The following CHODL variants were observed in gnomAD, a reference collection of about 807,000 sequenced individuals.
CHODL encodes the protein transmembrane protein MT75.
A neutral mutation model predicts 34.5 loss-of-function variants in CHODL; 29 were observed. The observed-to-expected ratio is 0.84, with a 90% CI of 0.63 to 1.15. CHODL has a LOEUF of 1.15. Among genes scored for constraint, CHODL ranks in the 50% most tolerant of loss-of-function variants. The pLI, the probability that CHODL is intolerant of heterozygous loss-of-function variation, is 0.00. For synonymous variants in CHODL, 125 were observed against 116.1 expected, an observed-to-expected ratio of 1.08 and a Z score of -0.49; for missense variants, 332 against 332.5, an observed-to-expected ratio of 1.00 and a Z score of 0.01.
At chr21:18,172,984 A>G (rs1045391780) in intron 2 of CHODL, among the ~76,000 whole-genome samples, 15 of 152,162 alleles carry the variant, frequency 9.9e-5, no homozygotes, top group Admixed American at 9.2e-4. Flanking sequence ...AGTTCCTTGC[A>G]GTTTTAGATC....
chr21:18,207,680 T>TTTTTTTC (rs2073727635), intron 2 of CHODL, among the ~76,000 whole-genome samples: 1 of 147,660 alleles, frequency 6.8e-6, no homozygotes, highest in African/African-American at 2.5e-5. Flanking sequence ...TTTTTTTTTT[T>TTTTTTTC]GCGGGGAAAG....
At chr21:18,032,669 AT>A (rs1383234855) in intron 2 of CHODL, among the ~76,000 whole-genome samples, 5 of 152,040 alleles carry the variant, frequency 3.3e-5, no homozygotes, top group Admixed American at 1.3e-4. Context: ...CTGGTGTGCA[AT>A]TACTTACTTG....
chr21:18,248,416 G>A (rs1410148626), intron 1 of CHODL, among the ~76,000 whole-genome samples: 2 of 150,974 alleles, frequency 1.3e-5, no homozygotes, highest in Non-Finnish European at 3.0e-5. Context: ...TATCTCTCGG[G>A]CATGAAAGGA....
chr21:18,260,077 C>T (rs2074361760), intron 3 of CHODL, 123 bp from the exon 4 acceptor site: 1 of 315,556 alleles, frequency 3.2e-6, no homozygotes, highest in African/African-American at 2.2e-5. Flanking sequence ...ATTTTATTAG[C>T]TGTAAGCTGT....
At chr21:18,032,048 TA>T (rs553844225) in intron 2 of CHODL, among the ~76,000 whole-genome samples, 41 of 152,162 alleles carry the variant, frequency 2.7e-4, no homozygotes, top group Admixed American at 1.8e-3. Context: ...AGTCAGCTGA[TA>T]AACAGAACTC....
chr21:18,141,610 T>A (rs1207564803), intron 2 of CHODL, among the ~76,000 whole-genome samples: 1 of 151,810 alleles, frequency 6.6e-6, no homozygotes, highest in African/African-American at 2.4e-5. Flanking sequence ...GACACTTCCC[T>A]AGCGGCATTT....
intron 1 of CHODL, among the ~76,000 whole-genome samples, chr21:17,996,178 C>G (rs1008239257): frequency 1.3e-5 from 2 of 151,976 alleles, no homozygotes; most frequent in African/African-American, 4.8e-5. Context: ...TATCATGTTC[C>G]CCAAGACAGA....
chr21:18,174,135 A>ATATATATATATATATATATATCTTGG lies in CHODL; in HGVS notation c.-44-82353_-44-82352insCTTGGTATATATATATATATATATAT, dbSNP rs2073269957. On this transcript the variant is annotated intron_variant, in intron 2 of 6. Coordinates refer to the CHODL transcript ENST00000400127. ...TATATATCTTGGTGTATATATATAT[A>ATATATATATATATATATATATCTTGG]TATATATATATATATATATATATAT... Among the ~76,000 whole-genome samples, 8 of 51,750 alleles carry ATATATATATATATATATATATCTTGG rather than the reference A, an allele frequency of 1.5e-4. 1 individual carries two copies. Among genetic ancestry groups the ATATATATATATATATATATATCTTGG allele is most frequent in the Admixed American group, 5.5e-4 (3 of 5,432 alleles). The allele number at this position is 51,750 out of a possible 152,430, so 34.0% of individuals were successfully genotyped here.
intron 3 of CHODL, among the ~76,000 whole-genome samples, chr21:18,258,195 A>G (rs951905436): frequency 6.6e-5 from 10 of 150,664 alleles, no homozygotes; most frequent in Non-Finnish European, 1.3e-4. Context: ...CTTTTTTTTT[A>G]TCCCTGGTGA....
intron 4 of CHODL, among the ~76,000 whole-genome samples, chr21:18,261,351 A>T (rs2074380089): frequency 6.9e-6 from 1 of 145,332 alleles, no homozygotes; most frequent in Admixed American, 6.8e-5. Flanking sequence ...ACTAAAACTT[A>T]AAGTATGATA....
intron 2 of CHODL, among the ~76,000 whole-genome samples, chr21:18,162,988 G>A (rs2073114206): frequency 6.6e-6 from 1 of 152,046 alleles, no homozygotes; most frequent in Non-Finnish European, 1.5e-5. Flanking sequence ...GAATGTTTAT[G>A]CCATATATAT....
intron 2 of CHODL, among the ~76,000 whole-genome samples, chr21:18,192,761 T>C (rs2073525875): frequency 6.6e-6 from 1 of 152,184 alleles, no homozygotes; most frequent in Non-Finnish European, 1.5e-5. Context: ...TAAAACCCAT[T>C]TTATATCTTT....
intron 2 of CHODL, among the ~76,000 whole-genome samples, chr21:18,030,522 T>G (rs1005762028): frequency 1.3e-5 from 2 of 152,174 alleles, no homozygotes; most frequent in Non-Finnish European, 2.9e-5. Flanking sequence ...GCTCGTCGTT[T>G]TCCATTGTTA....
intron 1 of CHODL, among the ~76,000 whole-genome samples, chr21:17,967,443 A>C (rs1219117974): frequency 6.6e-6 from 1 of 152,092 alleles, no homozygotes; most frequent in African/African-American, 2.4e-5. Context: ...AGAAGTCTTA[A>C]TTCTAGCTTC....
intron 2 of CHODL, among the ~76,000 whole-genome samples, chr21:18,209,570 C>A (rs896126974): frequency 6.6e-6 from 1 of 152,096 alleles, no homozygotes; most frequent in Non-Finnish European, 1.5e-5. Context: ...TTTACTCTTT[C>A]CACTCCTTTT....
At chr21:18,145,378 A>C (rs551866105) in intron 2 of CHODL, among the ~76,000 whole-genome samples, 1,460 of 139,480 alleles carry the variant, frequency 0.01, 24 homozygotes, top group African/African-American at 0.038. Flanking sequence ...CGGAGCTGGC[A>C]GTGAGCCAAG....
chr21:17,926,399 G>A (rs1680206529), intron 1 of CHODL, among the ~76,000 whole-genome samples: 1 of 146,918 alleles, frequency 6.8e-6, no homozygotes, highest in Admixed American at 6.8e-5. Context: ...TTTTCCTGAA[G>A]TGTATTAGTC....
rs1291751650 is a variant in CHODL, at chr21:18,266,030, G to A, written c.814G>A (p.Glu272Lys). ...GAGTACCAGAAAAGAAAGTGGCATG[G>A]AAGTATAATAACTCATTGACTTGGT... Reference protein sequence around the residue: ...SKSTRKESGMEV With the variant: ...SKSTRKESGMKV Residue 272 changes from glutamate to lysine, a missense_variant, in exon 6 of 6, where the codon GAA becomes AAA. Physicochemically the swap from Glu to Lys is moderately conservative, Grantham distance 56 (BLOSUM62 1). Transcript: ENST00000299295. The A allele has an allele frequency of 1.2e-6, 2 of 1,613,630 alleles. No homozygotes were observed. Among genetic ancestry groups the A allele is most frequent in the Non-Finnish European group, 8.5e-7 (1 of 1,179,660 alleles).
intron 1 of CHODL, among the ~76,000 whole-genome samples, chr21:17,997,775 C>T (rs1427740862): frequency 6.6e-6 from 1 of 152,092 alleles, no homozygotes; most frequent in African/African-American, 2.4e-5. Context: ...GAAAGACCAG[C>T]CTCCATGATT....
Sources: gnomAD v4.1 joint callset for allele counts (sites outside exome capture counted in the v4.1 genomes callset) on GRCh38, gnomAD v4.1.1 for gene constraint, MANE v1.5 for transcripts, NCBI Gene and HGNC (gene_info 2026-07-23, HGNC 2026-07-21) for gene names.